The following CRACD variants were observed in gnomAD, a reference collection of about 807,000 sequenced individuals.
CRACD encodes capping protein inhibiting regulator of actin dynamics.
Under a neutral mutation model 106.8 loss-of-function variants are expected in CRACD, and 56 were observed. That is an observed-to-expected ratio of 0.52 (90% CI 0.42 to 0.66). The LOEUF is 0.66. Among genes scored for constraint, CRACD ranks in the 30% least tolerant of loss-of-function variants. The pLI is 0.00. For synonymous variants in CRACD, 754 were observed against 670.8 expected (o/e 1.12, Z -1.92); for missense variants, 1,730 against 1,623.2 (o/e 1.07, Z -1.13).
At chr4:56,164,292 G>A (rs1451785624) in intron 1 of CRACD, among the ~76,000 whole-genome samples, 2 of 151,934 alleles carry the variant, frequency 1.3e-5, no homozygotes, top group East Asian at 3.9e-4. Flanking sequence ...CCGCCACCAA[G>A]CCCAGCTAAT....
At chr4:56,096,843 G>T in intron 1 of CRACD, among the ~76,000 whole-genome samples, 1 of 152,124 alleles carries the variant, frequency 6.6e-6, no homozygotes, top group Non-Finnish European at 1.5e-5. Flanking sequence ...GATAAGTAGA[G>T]AAAACTTTTT....
chr4:56,313,969 G>T (rs1745323208), intron 7 of CRACD, 71 bp from the exon 8 acceptor site: 11 of 1,539,110 alleles, frequency 7.1e-6, no homozygotes, highest in Non-Finnish European at 9.6e-6. Flanking sequence ...CGCTGGCACT[G>T]TGAATAGGAA....
At chr4:56,310,930 C>A (rs1248437019) in intron 6 of CRACD, 196 bp downstream of exon 6, 6 of 564,166 alleles carry the variant, frequency 1.1e-5, no homozygotes, top group Middle Eastern at 2.8e-4. Flanking sequence ...ACTGCTGGAA[C>A]TGAACTCTGC....
intron 1 of CRACD, among the ~76,000 whole-genome samples, chr4:56,115,483 G>T (rs902944106): frequency 1.3e-5 from 2 of 152,160 alleles, no homozygotes; most frequent in African/African-American, 2.4e-5. Flanking sequence ...TAATAGAAAT[G>T]TGAGATTGGC....
intron 1 of CRACD, among the ~76,000 whole-genome samples, chr4:56,125,764 C>CTTTTTTT (rs11289899): frequency 6.8e-4 from 50 of 73,294 alleles, no homozygotes; most frequent in Non-Finnish European, 8.1e-4. Flanking sequence ...CATTCTTCTT[C>CTTTTTTT]TTTTTTTTTT....
chr4:56,263,087 A>G (rs1212361274), intron 2 of CRACD, among the ~76,000 whole-genome samples: 3 of 152,164 alleles, frequency 2.0e-5, no homozygotes, highest in Admixed American at 1.3e-4. Context: ...GGGCTACCAC[A>G]CTCTTTGTGC....
intron 4 of CRACD, among the ~76,000 whole-genome samples, chr4:56,299,935 G>A (rs148855444): frequency 4.0e-5 from 6 of 151,682 alleles, no homozygotes; most frequent in South Asian, 2.1e-4. Flanking sequence ...GCAGGAGATC[G>A]AGACCATCCT....
At chr4:56,309,660 C>T (rs1435755007) in intron 5 of CRACD, among the ~76,000 whole-genome samples, 1 of 152,066 alleles carries the variant, frequency 6.6e-6, no homozygotes, top group Non-Finnish European at 1.5e-5. Flanking sequence ...TCGAGATCAG[C>T]CTGGCCAATA....
At chr4:56,144,417 T>G (rs1252401513) in intron 1 of CRACD, among the ~76,000 whole-genome samples, 1 of 152,142 alleles carries the variant, frequency 6.6e-6, no homozygotes, top group South Asian at 2.1e-4. Flanking sequence ...GAGACTAGTT[T>G]GTGGAAATCC....
intron 1 of CRACD, among the ~76,000 whole-genome samples, chr4:56,106,582 G>C (rs1294718381): frequency 6.6e-6 from 1 of 152,150 alleles, no homozygotes; most frequent in Non-Finnish European, 1.5e-5. Flanking sequence ...TTTCTCATCA[G>C]CCATAAGAAA....
intron 1 of CRACD, among the ~76,000 whole-genome samples, chr4:56,057,089 G>A (rs1403973793): frequency 6.6e-6 from 1 of 152,116 alleles, no homozygotes; most frequent in African/African-American, 2.4e-5. Flanking sequence ...CTTTTAAAAT[G>A]TATCTACTAA....
chr4:56,312,406 G>A (rs968083906), intron 6 of CRACD, among the ~76,000 whole-genome samples: 11 of 152,108 alleles, frequency 7.2e-5, no homozygotes, highest in South Asian at 4.2e-4. Flanking sequence ...CAAGTGATCT[G>A]CCCGCTTCAG....
At chr4:56,161,227 G>A (rs902047663) in intron 1 of CRACD, among the ~76,000 whole-genome samples, 1 of 152,046 alleles carries the variant, frequency 6.6e-6, no homozygotes, top group Non-Finnish European at 1.5e-5. Flanking sequence ...TATCAGAAAG[G>A]ACTAAAATAA....
At chr4:56,170,997 A>G (rs1454710772) in intron 1 of CRACD, among the ~76,000 whole-genome samples, 1 of 152,228 alleles carries the variant, frequency 6.6e-6, no homozygotes, top group Middle Eastern at 3.2e-3. Context: ...CAAGTCATGC[A>G]TGAGTAGGTG....
rs990782840 is a variant in CRACD at position 56,283,991 on chromosome 4, T to C, written c.-17+11499T>C. ...GAACAGCCTCCTGACTTGCCACCCG[T>C]TGGCTTCTTGGAGCTTTCTGCAGTG... On this transcript the variant is annotated intron_variant, in intron 3 of 10. Coordinates refer to ENST00000682029, the MANE Select transcript of CRACD (RefSeq NM_001393381.1). Among the ~76,000 whole-genome samples the C allele has an allele frequency of 2.6e-5, 4 of 152,140 alleles. No individual in the cohort carries two copies. The East Asian group carries it at 7.7e-4, about 29-fold the overall frequency.
intron 1 of CRACD, among the ~76,000 whole-genome samples, chr4:56,169,879 G>GTTGCC: frequency 6.6e-6 from 1 of 152,276 alleles, no homozygotes; most frequent in South Asian, 2.1e-4. Flanking sequence ...CTTGTGAACA[G>GTTGCC]TTGCCTTTGA....
Position 56,314,696 on chromosome 4 carries a change from G to A in CRACD, c.1194G>A (p.Glu398=), listed in dbSNP as rs773135546. 5 of 1,557,862 alleles carry A rather than the reference G, an allele frequency of 3.2e-6. No homozygotes were observed. Among genetic ancestry groups the A allele is most frequent in the East Asian group, 2.4e-5 (1 of 42,204 alleles). ...ETGEGRRGAE[E]EDLGEEEEEG... ...GGGAGGGCCGGCGGGGCGCGGAGGAGGAGGATCTGGGGGAAGAGGAGGAGG... is the reference window on the plus strand; with the variant it reads ...GGGAGGGCCGGCGGGGCGCGGAGGAAGAGGATCTGGGGGAAGAGGAGGAGG... The change falls in exon 8 of 11, where the codon GAG becomes GAA. Residue 398 remains glutamate (E), a synonymous_variant. Transcript: ENST00000682029. The surrounding 1 kb of genome is among the most constrained non-coding windows in gnomAD (Gnocchi z 4.4).
intron 1 of CRACD, among the ~76,000 whole-genome samples, chr4:56,068,681 G>A (rs895172409): frequency 1.3e-5 from 2 of 152,134 alleles, no homozygotes; most frequent in East Asian, 1.9e-4. Context: ...CAGCGTGGAC[G>A]TGGGGTGTGA....
intron 2 of CRACD, among the ~76,000 whole-genome samples, chr4:56,241,765 G>A (rs537221168): frequency 1.3e-5 from 2 of 152,290 alleles, no homozygotes; most frequent in South Asian, 2.1e-4. Context: ...TCTTGGAGGT[G>A]ATCAGGCGAT....
Sources: allele counts gnomAD v4.1 joint callset (sites outside exome capture counted in the v4.1 genomes callset), GRCh38; gene constraint gnomAD v4.1.1; non-coding constraint Gnocchi (gnomAD v3.1); transcripts MANE v1.5; gene names NCBI Gene and HGNC (gene_info 2026-07-23, HGNC 2026-07-21).